KRT14: variants seen among roughly 807,000 people sequenced by gnomAD.
KRT14 encodes the protein keratin, type I cytoskeletal 14.
In KRT14, 30 loss-of-function variants were observed where a neutral mutation model predicts 44.5. The observed-to-expected ratio is 0.67, with a 90% CI of 0.50 to 0.92. The LOEUF (loss-of-function observed/expected upper bound fraction) is 0.92, where lower values mean the gene tolerates loss of function less well. KRT14 is among the 40% of genes least tolerant of loss of function. KRT14 has a pLI of 0.00. For missense variants in KRT14, 535 were observed against 640.6 expected, an observed-to-expected ratio of 0.84 and a Z score of 1.78; for synonymous variants, 241 against 257.6, an observed-to-expected ratio of 0.94 and a Z score of 0.62.
rs188343094 is a variant in KRT14, at chr17:41,584,395, G to A, written c.627C>T (p.Asn209=). The change falls in exon 3 of 8, where the codon AAC becomes AAT. Residue 209 remains asparagine (N), a synonymous_variant. Coordinates refer to ENST00000167586, the MANE Select transcript of KRT14 (RefSeq NM_000526.5). ...TGTCGGCTTCCACACTCATGCGCAGGTTCAACTCTGTCTCATACCTGGAAT... is the reference window on the plus strand; with the variant it reads ...TGTCGGCTTCCACACTCATGCGCAGATTCAACTCTGTCTCATACCTGGAAT... ...DFRTKYETEL[N]LRMSVEADIN... The A allele has an allele frequency of 2.1e-4, 340 of 1,614,004 alleles. No homozygotes were observed. The African/African-American group carries it at 2.9e-3, about 14-fold the overall frequency.
At position 41,583,262 on chromosome 17, in the gene KRT14, C is replaced by T. The variant is rs60622724; in HGVS notation, c.1247G>A (p.Arg416His). Residue 416 changes from arginine to histidine, a missense_variant, in exon 6 of 8, where the codon CGC (arginine) becomes CAC (histidine). Coordinates refer to ENST00000167586, the MANE Select transcript of KRT14 (RefSeq NM_000526.5). ...TRLEQEIATY[R>H]RLLEGEDAHL... is the part of the protein sequence containing the mutation. ...GGCGTCCTCGCCCTCCAGCAGGCGG[C>T]GGTAGGTGGCGATCTCCTGCTCCAG... is the stretch of plus-strand genomic sequence containing the variant. 37 of 1,613,328 alleles carry T rather than the reference C, an allele frequency of 2.3e-5. No homozygotes were observed. The highest frequency in any genetic ancestry group is 8.3e-5 in the Admixed American group (5 of 59,994).
intron 2 of KRT14, among the ~76,000 whole-genome samples, chr17:41,584,724 G>T (rs1907469926): frequency 6.6e-6 from 1 of 152,230 alleles, no homozygotes; most frequent in Non-Finnish European, 1.5e-5. Flanking sequence ...AGCTGGGGAA[G>T]TGGAAAGTGC....
intron 7 of KRT14, 36 bp downstream of exon 7, chr17:41,583,058 C>T: frequency 1.2e-6 from 2 of 1,606,970 alleles, no homozygotes; most frequent in Non-Finnish European, 1.7e-6. Context: ...CAGAGGGTGG[C>T]CTGGAGCCCA....
At chr17:41,583,951 G>C in intron 3 of KRT14, 30 bp from the exon 4 acceptor site, 1 of 1,613,570 alleles carries the variant, frequency 6.2e-7, no homozygotes, top group South Asian at 1.1e-5. Context: ...CCACAGTCAG[G>C]AGTTCCACCA....
At position 41,583,237 on chromosome 17, in the gene KRT14, G is replaced by A; in HGVS notation, c.1272C>T (p.Ala424=). 6 of 1,613,416 alleles carry A rather than the reference G, an allele frequency of 3.7e-6. No homozygotes were observed. Among genetic ancestry groups the A allele is most frequent in the Non-Finnish European group, 5.1e-6 (6 of 1,179,964 alleles). The part of the protein sequence containing the change: ...TYRRLLEGED[A]HLSSSQFSSG... ...CTAAGGGGAGGGCCAAGACTCACTG[G>A]GCGTCCTCGCCCTCCAGCAGGCGGC... is the stretch of plus-strand genomic sequence containing the variant. Residue 424 remains alanine, a splice_region_variant and synonymous_variant, in exon 6 of 8, where the codon GCC becomes GCT. Coordinates refer to ENST00000167586, the MANE Select transcript of KRT14 (RefSeq NM_000526.5).
At chr17:41,582,625 C>T in intron 7 of KRT14, 93 bp from the exon 8 acceptor site, 3 of 1,028,186 alleles carry the variant, frequency 2.9e-6, no homozygotes, top group Non-Finnish European at 4.5e-6. Flanking sequence ...GAAACTCAAA[C>T]TGGCTCCCCA....
At chr17:41,584,512 G>C (rs1284177663) in intron 2 of KRT14, 99 bp from the exon 3 acceptor site, 3 of 1,417,750 alleles carry the variant, frequency 2.1e-6, no homozygotes, top group Non-Finnish European at 3.0e-6. Flanking sequence ...CTGGTGCCTT[G>C]TGGGTGGTTT....
At chr17:41,583,038 G>GC in intron 7 of KRT14, 56 bp downstream of exon 7, 2 of 1,551,082 alleles carry the variant, frequency 1.3e-6, no homozygotes, top group Admixed American at 3.3e-5. Context: ...GCCTAGACCT[G>GC]CTTGGGGTAC....
chr17:41,585,142 C>T (rs1907486907), intron 1 of KRT14, 85 bp from the exon 2 acceptor site: 1 of 1,041,702 alleles, frequency 9.6e-7, no homozygotes, highest in Admixed American at 1.8e-5. Context: ...GCTCTTGCTT[C>T]ATGTTCTTGC....
intron 1 of KRT14, 95 bp downstream of exon 1, chr17:41,586,215 C>T: frequency 1.3e-5 from 19 of 1,511,326 alleles, no homozygotes; most frequent in Non-Finnish European, 1.7e-5. Context: ...GGACTCTGTC[C>T]TATAGAGAAA....
intron 6 of KRT14, 35 bp downstream of exon 6, chr17:41,583,200 G>T (rs753918072): frequency 2.8e-5 from 44 of 1,599,180 alleles, no homozygotes; most frequent in Non-Finnish European, 3.5e-5. Context: ...AGAGTGCCAT[G>T]GGGGGGGCGG....
At chr17:41,585,617 C>T (rs1372992453) in intron 1 of KRT14, among the ~76,000 whole-genome samples, 1 of 152,244 alleles carries the variant, frequency 6.6e-6, no homozygotes, top group Non-Finnish European at 1.5e-5. Context: ...TTCCCCACCT[C>T]ATCATTGAAT....
rs770184456 is a variant in KRT14 at position 41,583,743 on chromosome 17, C to G, written c.927+17G>C. On this transcript the variant is annotated intron_variant, in intron 4 of 7. Coordinates refer to ENST00000167586, the MANE Select transcript of KRT14 (RefSeq NM_000526.5). ...AGGCAGGTGGTCTGGGTTCCTTCCA[C>G]CTCAAATGACACCCACCTTGGTGAA... is the stretch of plus-strand genomic sequence containing the variant. 6.8e-6 allele frequency: 11 copies of G among 1,614,166 alleles called. No homozygotes were observed. The East Asian group carries it at 2.0e-4, about 29-fold the overall frequency.
chr17:41,584,274 T>G lies in KRT14; in HGVS notation c.748A>C (p.Lys250Gln), dbSNP rs1393388714. ...ESLKEELAYL[K>Q]KNHEEEMNAL... The stretch of plus-strand genomic sequence containing the variant: ...GTTCTCACCTCCTCGTGGTTCTTCT[T>G]CAGGTAGGCCAGCTCCTCCTTCAGG... Residue 250 changes from lysine (K) to glutamine (Q), a missense_variant, in exon 3 of 8, where the codon AAG becomes CAG. Physicochemically the swap from Lys to Gln is moderately conservative, Grantham distance 53. Coordinates refer to ENST00000167586, the MANE Select transcript of KRT14 (RefSeq NM_000526.5). 2 of 1,613,672 alleles carry G rather than the reference T, an allele frequency of 1.2e-6. No individual in the cohort carries two copies. Among genetic ancestry groups the G allele is most frequent in the Admixed American group, 3.3e-5 (2 of 59,956 alleles).
At chr17:41,584,002 C>CCCA (rs1218212697) in intron 3 of KRT14, 81 bp from the exon 4 acceptor site, 1 of 1,439,888 alleles carries the variant, frequency 6.9e-7, no homozygotes, top group African/African-American at 1.4e-5. Flanking sequence ...ATACTGCCCT[C>CCCA]CCACCATCAC....
intron 3 of KRT14, 124 bp downstream of exon 3, chr17:41,584,133 C>CA: frequency 2.7e-6 from 2 of 730,222 alleles, no homozygotes; most frequent in Non-Finnish European, 4.3e-6. Flanking sequence ...AGGCTGGACT[C>CA]AAACTCCTGT....
rs769745467 is a variant in KRT14 at position 41,586,780 on chromosome 17, C to T, written c.55G>A (p.Gly19Ser). 2.5e-5 allele frequency: 40 copies of T among 1,587,640 alleles called. No individual in the cohort carries two copies. Among genetic ancestry groups the T allele is most frequent in the Non-Finnish European group, 3.3e-5 (38 of 1,168,988 alleles). ...CCGCCCCCGATGCCGCCCCCGATGC[C>T]GCAGGAGCCCTTCATGGAGCTGGAG... Reference protein sequence around the residue: ...TSSSSMKGSCGIGGGIGGGSS... With the variant: ...TSSSSMKGSCSIGGGIGGGSS... The change falls in exon 1 of 8, where the codon GGC (glycine) becomes AGC (serine). Residue 19 changes from glycine to serine, a missense_variant. Coordinates refer to ENST00000167586, the MANE Select transcript of KRT14 (RefSeq NM_000526.5).
chr17:41,584,463 G>C (rs776779513), intron 2 of KRT14, 50 bp from the exon 3 acceptor site: 3 of 1,604,412 alleles, frequency 1.9e-6, no homozygotes, highest in Non-Finnish European at 2.6e-6. Context: ...TGATCACAGC[G>C]AGGGCTTTGT....
chr17:41,583,723 G>C, intron 4 of KRT14, 37 bp downstream of exon 4: 1 of 1,614,270 alleles, frequency 6.2e-7, no homozygotes, highest in Non-Finnish European at 8.5e-7. Context: ...CCAGAAGGCA[G>C]GTGGTCTGGG....
Sources: allele counts gnomAD v4.1 joint callset (sites outside exome capture counted in the v4.1 genomes callset), GRCh38; gene constraint gnomAD v4.1.1; transcripts MANE v1.5; gene names NCBI Gene and HGNC (gene_info 2026-07-23, HGNC 2026-07-21).